The following SLC2A5 variants were observed in gnomAD, a reference collection of about 807,000 sequenced individuals.
The protein encoded by SLC2A5 is solute carrier family 2 member 5, also known as solute carrier family 2, facilitated glucose transporter member 5.
SLC2A5 carries 56 observed loss-of-function variants against 50.3 expected under a neutral mutation model. That is an observed-to-expected ratio of 1.11 (90% CI 0.90 to 1.39). SLC2A5 has a LOEUF of 1.39. Ranked by LOEUF, SLC2A5 falls within the 40% of genes most tolerant of loss-of-function variation. The probability of loss-of-function intolerance (pLI) is 0.00; values close to 1 mark genes in which losing one functional copy is unlikely to be tolerated. For missense variants in SLC2A5, 566 were observed against 650.1 expected (o/e 0.87, Z 1.41); for synonymous variants, 269 against 281.9 (o/e 0.95, Z 0.46).
In SLC2A5 at chr1:9,058,134, C is replaced by T; in HGVS notation, c.132+18G>A. ...CTCCAAACGTCCTCCCCACATCTTGCTCACCACAGTGACCTACCAGTGCTG... is the reference window on the plus strand; with the variant it reads ...CTCCAAACGTCCTCCCCACATCTTGTTCACCACAGTGACCTACCAGTGCTG... On this transcript the variant is annotated intron_variant, in intron 2 of 11. Coordinates refer to ENST00000377424, the MANE Select transcript of SLC2A5 (RefSeq NM_003039.3). The T allele has an allele frequency of 1.9e-6, 3 of 1,589,754 alleles. No individual in the cohort carries two copies. Among genetic ancestry groups the T allele is most frequent in the South Asian group, 1.1e-5 (1 of 90,596 alleles).
chr1:9,045,807 T>C (rs929581298), intron 4 of SLC2A5, among the ~76,000 whole-genome samples: 4 of 147,752 alleles, frequency 2.7e-5, no homozygotes. Flanking sequence ...GAGGCAGAGG[T>C]TGCAGTGAGC....
rs775374231 is a variant in SLC2A5 at position 9,069,530 on chromosome 1, G to A, written c.7C>T (p.Gln3Ter). The A allele has an allele frequency of 1.9e-6, 3 of 1,614,060 alleles. No homozygotes were observed. Among genetic ancestry groups the A allele is most frequent in the Non-Finnish European group, 2.5e-6 (3 of 1,180,024 alleles). Residue 3 changes from glutamine (Q) to a stop codon, truncating the protein, a stop_gained, in exon 1 of 12, where the codon CAA becomes TAA. Transcript: ENST00000377424. LOFTEE classifies it high-confidence loss of function. ME[Q>*]QDQSMKEGRL... ...CCTTCCTTCATGCTCTGATCCTGTT[G>A]CTCCATGCTTGCTCTGGAAGGGCAG... is the stretch of plus-strand genomic sequence containing the variant.
Position 9,047,698 on chromosome 1 carries a change from G to A in SLC2A5, c.330C>T (p.Ile110=), listed in dbSNP as rs761160464. 16 of 1,613,848 alleles carry A rather than the reference G, an allele frequency of 9.9e-6. No homozygotes were observed. Among genetic ancestry groups the A allele is most frequent in the Non-Finnish European group, 1.1e-5 (13 of 1,179,874 alleles). ...GALLFNNIFS[I]VPAILMGCSR... ...TGCATCCCATTAAGATCGCAGGCAC[G>A]ATAGAAAATATGTTGTTGAACAGCA... is the stretch of plus-strand genomic sequence containing the variant. The change falls in exon 4 of 12, where the codon ATC becomes ATT. Residue 110 remains isoleucine, a synonymous_variant. Transcript: ENST00000377424.
At chr1:9,087,208 CTT>C (rs35852748) in intron 1 of SLC2A5, among the ~76,000 whole-genome samples, 3 of 142,394 alleles carry the variant, frequency 2.1e-5, no homozygotes, top group Non-Finnish European at 1.5e-5. Context: ...TTACTTCTTT[CTT>C]TTTTTTTTTT....
At position 9,039,393 on chromosome 1, in the gene SLC2A5, G is replaced by A. The variant is rs910910970; in HGVS notation, c.996+159C>T. 5.3e-5 allele frequency among the ~76,000 whole-genome samples: 8 copies of A among 152,318 alleles called. No homozygotes were observed. In the East Asian group the frequency reaches 1.5e-3, roughly 29 times the overall value. ...TGCGGCTCGGCAGCCCCAAGTGTGA[G>A]GGGCTGGTGCGGGGCCACCTCCCAC... On this transcript the variant is annotated intron_variant, in intron 8 of 11. Transcript: ENST00000377424.
chr1:9,064,022 C>T (rs1642020103), intron 1 of SLC2A5, among the ~76,000 whole-genome samples: 1 of 151,840 alleles, frequency 6.6e-6, no homozygotes, highest in Non-Finnish European at 1.5e-5. Context: ...GAGACAGGGT[C>T]TTGCTATGTT....
At chr1:9,086,281 G>A (rs12402661) in intron 1 of SLC2A5, among the ~76,000 whole-genome samples, 35,056 of 152,052 alleles carry the variant, frequency 0.23, 4,864 homozygotes, top group East Asian at 0.51. Flanking sequence ...TGCAGTAAAG[G>A]AAGAGTTTAA....
Position 9,040,324 on chromosome 1 carries a change from A to C in SLC2A5, c.572-135T>G, listed in dbSNP as rs935986385. ...AGGGCACAGCTTTCCCAGCCCTAAG[A>C]ACAGCAACTCCCGACGGTGGACACT... is the stretch of plus-strand genomic sequence containing the variant. On this transcript the variant is annotated intron_variant, in intron 5 of 11. Transcript: ENST00000377424. The surrounding 1 kb of genome is among the most constrained non-coding windows in gnomAD (Gnocchi z 4.3). 9.2e-6 allele frequency: 10 copies of C among 1,084,430 alleles called. No individual in the cohort carries two copies. Among genetic ancestry groups the C allele is most frequent in the Admixed American group, 5.6e-5 (2 of 35,646 alleles). The allele number at this position is 1,084,430 out of a possible 1,614,324, so 67.2% of individuals were successfully genotyped here. A position where few individuals can be genotyped will look rare whatever the true frequency, so the allele number is the denominator to read the frequency against.
Position 9,057,551 on chromosome 1 carries a change from C to T in SLC2A5, c.190G>A (p.Asp64Asn). Residue 64 changes from aspartate (D) to asparagine (N), a missense_variant, in exon 3 of 12, where the codon GAC becomes AAC. Asp to Asn is a conservative substitution (Grantham distance 23). Transcript: ENST00000377424. ...GACCACAGCAACGTCAAGGGGAAGT[C>T]TTCCATGAATTCACCGGTCCTACCA... ...YYGRTGEFMEDFPLTLLWSVT... is the reference protein window; with the variant it reads ...YYGRTGEFMENFPLTLLWSVT... 1 of 1,613,914 alleles carries T rather than the reference C, an allele frequency of 6.2e-7. No individual in the cohort carries two copies. Among genetic ancestry groups the T allele is most frequent in the Non-Finnish European group, 8.5e-7 (1 of 1,179,830 alleles).
In SLC2A5 at chr1:9,037,342, G is replaced by A. The variant is rs1641158071; in HGVS notation, c.*244C>T. ...ACGAAGGCTGAACCAGCAAAGTGGA[G>A]GACCAGCTGTTTAATTGACTCGGGT... On this transcript the variant is annotated 3_prime_UTR_variant, in exon 12 of 12. Transcript: ENST00000377424. 4.1e-6 allele frequency: 2 copies of A among 489,564 alleles called. No homozygotes were observed. Among genetic ancestry groups the A allele is most frequent in the Admixed American group, 6.7e-5 (2 of 29,764 alleles). The allele number at this position is 489,564 out of a possible 1,614,324, so 30.3% of individuals were successfully genotyped here.
intron 1 of SLC2A5, among the ~76,000 whole-genome samples, chr1:9,063,612 A>G (rs765807116): frequency 6.8e-6 from 1 of 147,530 alleles, no homozygotes; most frequent in Non-Finnish European, 1.5e-5. Context: ...ACCTCAAGTG[A>G]TCCACCTGCC....
chr1:9,041,919 A>G lies in SLC2A5; in HGVS notation c.437T>C (p.Val146Ala), dbSNP rs772112686. The change falls in exon 5 of 12, where the codon GTC (valine) becomes GCC (alanine). Residue 146 changes from valine (V) to alanine (A), a missense_variant. By Grantham distance (64) the Val-to-Ala change is moderately conservative. Coordinates refer to ENST00000377424, the MANE Select transcript of SLC2A5 (RefSeq NM_003039.3). ...GICAGVSSNV[V>A]PMYLGELAPK... is the part of the protein sequence containing the mutation. ...GGCCAGCTCCCCTAAGTACATGGGG[A>G]CCACGTTGGAAGATACACCTGGGAG... is the stretch of plus-strand genomic sequence containing the variant. The G allele has an allele frequency of 8.7e-6, 14 of 1,608,876 alleles. No homozygotes were observed. Among genetic ancestry groups the G allele is most frequent in the Non-Finnish European group, 1.2e-5 (14 of 1,177,780 alleles).
chr1:9,065,043 G>T lies in SLC2A5; in HGVS notation c.33+4461C>A, dbSNP rs1328462144. 3.1e-5 allele frequency among the ~76,000 whole-genome samples: 4 copies of T among 129,464 alleles called. No homozygotes were observed. In the East Asian group the frequency reaches 9.9e-4, roughly 32 times the overall value. The allele number at this position is 129,464 out of a possible 152,430, so 84.9% of individuals were successfully genotyped here. A position where few individuals can be genotyped will look rare whatever the true frequency, so the allele number is the denominator to read the frequency against. On this transcript the variant is annotated intron_variant, in intron 1 of 11. Coordinates refer to ENST00000377424, the MANE Select transcript of SLC2A5 (RefSeq NM_003039.3). ...ACTCCAGGATGGGCAACAAGAGCAA[G>T]ATTCTGTCTCAAAAAAAAAAAAAAA...
Position 9,038,426 on chromosome 1 carries a change from C to A in SLC2A5, c.1174+5G>T, listed in dbSNP as rs776300088. On this transcript the variant is annotated splice_donor_5th_base_variant and intron_variant, in intron 10 of 11. Transcript: ENST00000377424. Reference sequence around the variant, plus strand: ...GACACCCTGAGGCCAGCTTTGGGTACGTACTGGGCCCGAGGGCATGTCCTA... The same window carrying A: ...GACACCCTGAGGCCAGCTTTGGGTAAGTACTGGGCCCGAGGGCATGTCCTA... The A allele has an allele frequency of 1.2e-6, 2 of 1,610,118 alleles. No individual in the cohort carries two copies. Among genetic ancestry groups the A allele is most frequent in the South Asian group, 2.2e-5 (2 of 90,854 alleles).
chr1:9,041,874 GC>G lies in SLC2A5; in HGVS notation c.481del (p.Ala161LeufsTer29). ...GELAPKNLRG[A>X]LGVVPQLFIT... ...GAAGAGCTGGGGCACCACCCCGAGAGCCCCCCGCAGGTTTTTAGGGGCCAGC... is the reference window on the plus strand; with the variant it reads ...GAAGAGCTGGGGCACCACCCCGAGAGCCCCCGCAGGTTTTTAGGGGCCAGC... On this transcript the variant is annotated frameshift_variant, in exon 5 of 12. Transcript: ENST00000377424. LOFTEE classifies it high-confidence loss of function. 2 of 1,613,962 alleles carry G rather than the reference GC, an allele frequency of 1.2e-6. No homozygotes were observed. Among genetic ancestry groups the G allele is most frequent in the Non-Finnish European group, 1.7e-6 (2 of 1,179,992 alleles).
At chr1:9,046,030 T>A (rs1641426192) in intron 4 of SLC2A5, among the ~76,000 whole-genome samples, 1 of 152,186 alleles carries the variant, frequency 6.6e-6, no homozygotes, top group Admixed American at 6.5e-5. Context: ...CACGTCTCTG[T>A]TACTGCCAAT....
intron 1 of SLC2A5, among the ~76,000 whole-genome samples, chr1:9,060,218 TAACA>T (rs1207679566): frequency 1.7e-5 from 2 of 119,904 alleles, no homozygotes; most frequent in Non-Finnish European, 3.3e-5. Context: ...GCCCCTCATG[TAACA>T]AACAATACAC....
At chr1:9,039,075 G>T in intron 8 of SLC2A5, 146 bp from the exon 9 acceptor site, 1 of 994,544 alleles carries the variant, frequency 1.0e-6, no homozygotes, top group Non-Finnish European at 1.4e-6. Flanking sequence ...TGCAAGACAT[G>T]CCCTTGGGCA....
chr1:9,072,252 G>T, upstream of SLC2A5: 1 of 152,512 alleles, frequency 6.6e-6, no homozygotes. Flanking sequence ...ATGGAGGAGG[G>T]GGATGGCAGC....
Sources: allele counts gnomAD v4.1 joint callset (sites outside exome capture counted in the v4.1 genomes callset), GRCh38; gene constraint gnomAD v4.1.1; non-coding constraint Gnocchi (gnomAD v3.1); transcripts MANE v1.5; gene names NCBI Gene and HGNC (gene_info 2026-07-23, HGNC 2026-07-21).